The following CYP2D6 variants were observed in gnomAD, a reference collection of about 807,000 sequenced individuals.
The protein encoded by CYP2D6 is cytochrome P450 family 2 subfamily D member 6 (gene/pseudogene).
In CYP2D6, 51 loss-of-function variants were observed where a neutral mutation model predicts 43.5. The ratio of observed to expected loss-of-function variants is 1.17; its 90% CI spans 0.94 to 1.48. The LOEUF (loss-of-function observed/expected upper bound fraction) is 1.48. Ranked by LOEUF, CYP2D6 falls within the 40% of genes most tolerant of loss-of-function variation. CYP2D6 has a pLI of 0.00. For missense variants in CYP2D6, 698 were observed against 688.0 expected (o/e 1.01, Z -0.16); for synonymous variants, 346 against 297.1 (o/e 1.16, Z -1.69).
chr22:42,129,247 C>T (rs1215326545), intron 2 of CYP2D6, 62 bp from the exon 3 acceptor site: 3 of 1,565,342 alleles, frequency 1.9e-6, no homozygotes, highest in Non-Finnish European at 2.6e-6. Flanking sequence ...ATCCACCACC[C>T]ACTCCAACCC....
Position 42,128,595 on chromosome 22 carries a change from G to A in CYP2D6, c.666+189C>T, listed in dbSNP as rs563463814. On this transcript the variant is annotated intron_variant, in intron 4 of 8. Coordinates refer to ENST00000645361, the MANE Select transcript of CYP2D6 (RefSeq NM_000106.6). ...GGCCTCTCCTGGTGCCCCCTGACCC[G>A]GGCACACCTCTCCCACGACCATGTC... Among the ~76,000 whole-genome samples, 52 of 150,962 alleles carry A rather than the reference G, an allele frequency of 3.4e-4. 1 individual carries two copies. The South Asian group carries it at 0.011, about 31-fold the overall frequency.
intron 4 of CYP2D6, 61 bp downstream of exon 4, chr22:42,128,723 C>G (rs1931418128): frequency 1.9e-6 from 3 of 1,557,540 alleles, no homozygotes; most frequent in African/African-American, 1.4e-5. Context: ...AGGCCCCAGT[C>G]CAGCCCCGGC....
At position 42,130,630 on chromosome 22, in the gene CYP2D6, T is replaced by C. The variant is rs767843401; in HGVS notation, c.162A>G (p.Thr54=). 2 of 1,606,204 alleles carry C rather than the reference T, an allele frequency of 1.2e-6. No homozygotes were observed. The highest frequency in any genetic ancestry group is 2.2e-5 in the South Asian group (2 of 90,158). The change falls in exon 1 of 9, where the codon ACA becomes ACG. Residue 54 remains threonine (T), a synonymous_variant. Coordinates refer to ENST00000645361, the MANE Select transcript of CYP2D6 (RefSeq NM_000106.6). ...GNLLHVDFQN[T]PYCFDQLRRR... is the part of the protein sequence containing the mutation. ...CCCTCACCTGGTCGAAGCAGTATGG[T>C]GTGTTCTGGAAGTCCACATGCAGCA...
rs1931959293 is a variant in CYP2D6 at position 42,130,566 on chromosome 22, G to A, written c.180+46C>T. On this transcript the variant is annotated intron_variant, in intron 1 of 8. Coordinates refer to ENST00000645361, the MANE Select transcript of CYP2D6 (RefSeq NM_000106.6). The stretch of plus-strand genomic sequence containing the variant: ...CCACCATCCATGTTTGCTTCTGGTA[G>A]GGGAGCCTCAGCACCTCTGCCGCCC... The A allele has an allele frequency of 5.3e-6, 7 of 1,332,956 alleles. 1 individual carries two copies. Among genetic ancestry groups the A allele is most frequent in the Admixed American group, 4.0e-5 (2 of 49,572 alleles). 82.6% of individuals were successfully genotyped at this position (1,332,956 alleles called of 1,614,324 possible). A position where few individuals can be genotyped will look rare whatever the true frequency, so the allele number is the denominator to read the frequency against.
chr22:42,127,363 G>C (rs1341105703), intron 7 of CYP2D6, 84 bp downstream of exon 7: 1 of 1,324,038 alleles, frequency 7.6e-7, no homozygotes, highest in Non-Finnish European at 1.1e-6. Flanking sequence ...AGGGTTCCTA[G>C]AGTGGGCCCA....
rs750894050 is a variant in CYP2D6, at chr22:42,129,201, G to T, written c.353-16C>A. Reference sequence around the variant, plus strand: ...AGGAACACCCCTGGGGGTGGGACGGGCACGTGCGCGTGGCCATGAAGGCAT... The same window carrying T: ...AGGAACACCCCTGGGGGTGGGACGGTCACGTGCGCGTGGCCATGAAGGCAT... On this transcript the variant is annotated splice_polypyrimidine_tract_variant and intron_variant, in intron 2 of 8. Transcript: ENST00000645361. 28 of 1,596,116 alleles carry T rather than the reference G, an allele frequency of 1.8e-5. No individual in the cohort carries two copies. In the Admixed American group the frequency reaches 3.0e-4, roughly 17 times the overall value.
chr22:42,129,046 G>A lies in CYP2D6; in HGVS notation c.492C>T (p.Phe164=), dbSNP rs748617946. The A allele has an allele frequency of 3.7e-6, 6 of 1,607,318 alleles. No individual in the cohort carries two copies. In the Admixed American group the frequency reaches 5.0e-5, roughly 14 times the overall value. The change falls in exon 3 of 9, where the codon TTC becomes TTT. Residue 164 remains phenylalanine, a synonymous_variant. Transcript: ENST00000645361. ...CCCATCACCCACCGGAGTGGTTGGCGAAGGCGGCACAAAGGCAGGCGGCCT... is the reference window on the plus strand; with the variant it reads ...CCCATCACCCACCGGAGTGGTTGGCAAAGGCGGCACAAAGGCAGGCGGCCT... ...TEEAACLCAA[F]ANHSGRPFRP...
rs1247226798 is a variant in CYP2D6, at chr22:42,126,939, C to T, written c.1227G>A (p.Trp409Ter). 6.2e-7 allele frequency: 1 copy of T among 1,609,824 alleles called. No individual in the cohort carries two copies. Among genetic ancestry groups the T allele is most frequent in the East Asian group, 2.2e-5 (1 of 44,690 alleles). ...LSSVLKDEAV[W>*]EKPFRFHPEH... ...CGGGGTGGAAGCGGAAGGGCTTCTC[C>T]CAGACGGCCTCATCCTTCAGCACCG... The change falls in exon 8 of 9, where the codon TGG becomes TGA. Residue 409 changes from tryptophan to a stop codon, truncating the protein, a stop_gained. Coordinates refer to ENST00000645361, the MANE Select transcript of CYP2D6 (RefSeq NM_000106.6). LOFTEE classifies it high-confidence loss of function.
Position 42,127,933 on chromosome 22 carries a change from C to T in CYP2D6, c.894G>A (p.Val298=). ...SSFNDENLRI[V]VADLFSAGMV... ...TCCCGGCAGAGAACAGGTCAGCCAC[C>T]ACTATGCGCAGGTTCTCATCATTGA... The change falls in exon 6 of 9, where the codon GTG becomes GTA. Residue 298 remains valine (V), a synonymous_variant. Transcript: ENST00000645361. 2.5e-6 allele frequency: 4 copies of T among 1,611,302 alleles called. No homozygotes were observed. The highest frequency in any genetic ancestry group is 3.4e-6 in the Non-Finnish European group (4 of 1,178,246).
chr22:42,128,962 G>A lies in CYP2D6; in HGVS notation c.506-18C>T, dbSNP rs764635927. The A allele has an allele frequency of 3.9e-5, 62 of 1,582,516 alleles. 1 individual carries two copies. Among genetic ancestry groups the A allele is most frequent in the Non-Finnish European group, 5.2e-5 (60 of 1,164,510 alleles). ...GGGGCGTCCTGGGGGTGGGAGATGC[G>A]GGTAAGGGGTCGCCTTCCCCGTCCC... On this transcript the variant is annotated intron_variant, in intron 3 of 8. Transcript: ENST00000645361.
intron 5 of CYP2D6, 66 bp from the exon 6 acceptor site, chr22:42,128,049 A>C (rs1931234698): frequency 1.2e-6 from 2 of 1,606,140 alleles, no homozygotes; most frequent in East Asian, 4.5e-5. Flanking sequence ...CCAATTCTGC[A>C]CCTGTCAGCC....
chr22:42,129,527 G>C, intron 2 of CYP2D6: 1 of 759,480 alleles, frequency 1.3e-6, no homozygotes, highest in Admixed American at 2.2e-5. Flanking sequence ...GCTCCTGCCA[G>C]GTCTCGGCAG....
Position 42,129,214 on chromosome 22 carries a change from G to A in CYP2D6, c.353-29C>T, listed in dbSNP as rs574423474. 3.1e-6 allele frequency: 5 copies of A among 1,596,370 alleles called. No homozygotes were observed. In the African/African-American group the frequency reaches 4.0e-5, roughly 13 times the overall value. On this transcript the variant is annotated intron_variant, in intron 2 of 8. Coordinates refer to ENST00000645361, the MANE Select transcript of CYP2D6 (RefSeq NM_000106.6). ...GGGGTGGGACGGGCACGTGCGCGTG[G>A]CCATGAAGGCATTAGCCCCACCATC...
intron 6 of CYP2D6, 66 bp from the exon 7 acceptor site, chr22:42,127,700 G>C: frequency 1.3e-6 from 2 of 1,577,238 alleles, no homozygotes; most frequent in South Asian, 2.2e-5. Context: ...ACTCCTTCTT[G>C]CCTCCTATGT....
At chr22:42,129,317 C>G (rs759535294) in intron 2 of CYP2D6, 132 bp from the exon 3 acceptor site, 3 of 1,194,842 alleles carry the variant, frequency 2.5e-6, no homozygotes, top group East Asian at 2.5e-5. Context: ...AGGGCCCACT[C>G]TTTGTGCATC....
rs1135829 is a variant in CYP2D6, at chr22:42,127,973, T to C, written c.854A>G (p.Asn285Ser). Reference protein sequence around the residue: ...FLAEMEKAKGNPESSFNDENL... With the variant: ...FLAEMEKAKGSPESSFNDENL... ...CTCATCATTGAAGCTGCTCTCAGGG[T>C]TCCCCTTGGCCTGAGCAGGGCCGAG... Residue 285 changes from asparagine to serine, a missense_variant, in exon 6 of 9, where the codon AAC becomes AGC. Coordinates refer to ENST00000645361, the MANE Select transcript of CYP2D6 (RefSeq NM_000106.6). 365 of 1,611,076 alleles carry C rather than the reference T, an allele frequency of 2.3e-4. 7 individuals are homozygous for C. The highest frequency in any genetic ancestry group is 4.4e-4 in the African/African-American group (33 of 74,236).
chr22:42,127,207 C>T (rs28371730), intron 7 of CYP2D6, among the ~76,000 whole-genome samples: 53,017 of 150,212 alleles, frequency 0.35, 10,571 homozygotes, highest in Middle Eastern at 0.5. Flanking sequence ...TCCCTGCAGG[C>T]GTTGGGTCCT....
Position 42,127,831 on chromosome 22 carries a change from G to C in CYP2D6, c.985+11C>G, listed in dbSNP as rs201895960. 4 of 1,610,696 alleles carry C rather than the reference G, an allele frequency of 2.5e-6. No homozygotes were observed. The South Asian group carries it at 3.3e-5, about 13-fold the overall frequency. On this transcript the variant is annotated intron_variant, in intron 6 of 8. Coordinates refer to ENST00000645361, the MANE Select transcript of CYP2D6 (RefSeq NM_000106.6). ...CCCTCGGCCCCTGCACTGTTTCCCA[G>C]ATGGGCTCACGCTGCACATCCGGAT... is the stretch of plus-strand genomic sequence containing the variant.
chr22:42,129,961 C>T lies in CYP2D6; in HGVS notation c.181-52G>A, dbSNP rs768239733. 23 of 1,477,138 alleles carry T rather than the reference C, an allele frequency of 1.6e-5. No homozygotes were observed. The South Asian group carries it at 2.7e-4, about 17-fold the overall frequency. The allele number at this position is 1,477,138 out of a possible 1,614,324, so 91.5% of individuals were successfully genotyped here. A position where few individuals can be genotyped will look rare whatever the true frequency, so the allele number is the denominator to read the frequency against. Reference sequence around the variant, plus strand: ...GTCAAGCCAGGATCACCCCAGACTACAGGTCCTAGTCCTATTTGAACCTTG... The same window carrying T: ...GTCAAGCCAGGATCACCCCAGACTATAGGTCCTAGTCCTATTTGAACCTTG... On this transcript the variant is annotated intron_variant, in intron 1 of 8. Transcript: ENST00000645361.
Sources: gnomAD v4.1 joint callset for allele counts (sites outside exome capture counted in the v4.1 genomes callset) on GRCh38, gnomAD v4.1.1 for gene constraint, MANE v1.5 for transcripts, NCBI Gene and HGNC (gene_info 2026-07-23, HGNC 2026-07-21) for gene names.